OLA1: variants seen among roughly 807,000 people sequenced by gnomAD.
The protein encoded by OLA1 is Obg like ATPase 1, also known as obg-like ATPase 1.
In OLA1, 14 loss-of-function variants were observed where a neutral mutation model predicts 48.4. The observed-to-expected ratio is 0.29, with a 90% CI of 0.19 to 0.45. The LOEUF is 0.45. Among genes scored for constraint, OLA1 ranks in the 20% least tolerant of loss-of-function variants. The pLI is 1.00. For synonymous variants in OLA1, 127 were observed against 150.4 expected (o/e 0.84, Z 1.14); for missense variants, 325 against 467.1 (o/e 0.70, Z 2.80).
chr2:174,154,038 T>C (rs1490653090), intron 4 of OLA1, among the ~76,000 whole-genome samples: 1 of 152,032 alleles, frequency 6.6e-6, no homozygotes, highest in African/African-American at 2.4e-5. Context: ...GGCTAATTTT[T>C]TTGTTTGTTT....
intron 7 of OLA1, among the ~76,000 whole-genome samples, chr2:174,109,579 G>C (rs1437222707): frequency 6.6e-6 from 1 of 152,116 alleles, no homozygotes; most frequent in African/African-American, 2.4e-5. Flanking sequence ...GTTTGTCTTT[G>C]AATACGGGAA....
chr2:174,194,275 A>C (rs1687836260), intron 4 of OLA1, among the ~76,000 whole-genome samples: 1 of 152,186 alleles, frequency 6.6e-6, no homozygotes, highest in African/African-American at 2.4e-5. Flanking sequence ...AGAGGGTACC[A>C]GGTTCCCCAA....
At chr2:174,237,065 TACTG>T (rs1358326333) in intron 2 of OLA1, among the ~76,000 whole-genome samples, 2 of 152,202 alleles carry the variant, frequency 1.3e-5, no homozygotes, top group Non-Finnish European at 2.9e-5. Context: ...AATTTTAACT[TACTG>T]ACTCTTTTGT....
At chr2:174,083,268 G>A (rs1684896482) in intron 7 of OLA1, among the ~76,000 whole-genome samples, 7 of 151,946 alleles carry the variant, frequency 4.6e-5, no homozygotes, top group Admixed American at 3.9e-4. Context: ...GCCACTTTAG[G>A]GGAAAAGAAA....
intron 4 of OLA1, among the ~76,000 whole-genome samples, chr2:174,161,717 T>C (rs552492994): frequency 4.3e-5 from 6 of 140,880 alleles, no homozygotes; most frequent in Admixed American, 1.4e-4. Context: ...CACACACACA[T>C]AGATAGATAG....
intron 4 of OLA1, among the ~76,000 whole-genome samples, chr2:174,219,544 T>G (rs1028847501): frequency 2.1e-5 from 3 of 142,056 alleles, no homozygotes; most frequent in African/African-American, 7.7e-5. Context: ...GCCCTCCCAA[T>G]CCAGCCTCGA....
At position 174,236,035 on chromosome 2, in the gene OLA1, C is replaced by T. The variant is rs1688841273; in HGVS notation, c.102-6584G>A. ...TAATCCATCATAAGAAGACTCAAAA[C>T]AATTAATCTGATACATAAATAACTA... On this transcript the variant is annotated intron_variant, in intron 2 of 10. Transcript: ENST00000284719. Among the ~76,000 whole-genome samples the T allele has an allele frequency of 2.6e-5, 4 of 152,098 alleles. No homozygotes were observed. The South Asian group carries it at 8.3e-4, about 32-fold the overall frequency.
chr2:174,240,995 G>T (rs1322371647), intron 2 of OLA1, among the ~76,000 whole-genome samples: 1 of 152,156 alleles, frequency 6.6e-6, no homozygotes, highest in Non-Finnish European at 1.5e-5. Context: ...CTCTGGGCTG[G>T]TGTCATGACT....
intron 4 of OLA1, among the ~76,000 whole-genome samples, chr2:174,220,781 T>C (rs377295686): frequency 3.3e-5 from 5 of 152,200 alleles, no homozygotes; most frequent in African/African-American, 7.2e-5. Flanking sequence ...TTTTAAAAAT[T>C]AATCAAATTA....
intron 7 of OLA1, among the ~76,000 whole-genome samples, chr2:174,117,731 T>C (rs1186357736): frequency 1.3e-5 from 2 of 152,088 alleles, no homozygotes; most frequent in African/African-American, 4.8e-5. Flanking sequence ...CACCTTTCCT[T>C]TTCTCCACCC....
At chr2:174,177,128 A>T (rs1687438847) in intron 4 of OLA1, among the ~76,000 whole-genome samples, 1 of 152,166 alleles carries the variant, frequency 6.6e-6, no homozygotes. Context: ...ATCATTTCAC[A>T]GTTTGGAACT....
At chr2:174,190,636 A>G (rs762486931) in intron 4 of OLA1, among the ~76,000 whole-genome samples, 19 of 152,032 alleles carry the variant, frequency 1.2e-4, no homozygotes, top group Non-Finnish European at 2.8e-4. Context: ...GATTTACCTG[A>G]AAGTTACAAG....
Position 174,221,729 on chromosome 2 carries a change from T to A in OLA1, c.373+1304A>T, listed in dbSNP as rs150417434. On this transcript the variant is annotated intron_variant, in intron 4 of 10. Transcript: ENST00000284719. ...TCAATACTTGCTGCTTTTTCTGTGT[T>A]TAACGTTTCAACAAATGGTATCACA... Among the ~76,000 whole-genome samples the A allele has an allele frequency of 1.5e-4, 23 of 152,284 alleles. No homozygotes were observed. In the East Asian group the frequency reaches 3.3e-3, roughly 22 times the overall value.
At chr2:174,200,169 T>C (rs1427137122) in intron 4 of OLA1, among the ~76,000 whole-genome samples, 1 of 152,144 alleles carries the variant, frequency 6.6e-6, no homozygotes, top group Admixed American at 6.5e-5. Flanking sequence ...ATACGGTAAA[T>C]ACTGATTGAC....
At chr2:174,134,883 C>T (rs560127016) in intron 5 of OLA1, among the ~76,000 whole-genome samples, 1 of 152,096 alleles carries the variant, frequency 6.6e-6, no homozygotes, top group Non-Finnish European at 1.5e-5. Context: ...GGAATGGGGC[C>T]GGGCGTGGTG....
At chr2:174,163,756 ATATATATATATATATATAT>A in intron 4 of OLA1, among the ~76,000 whole-genome samples, 3 of 39,634 alleles carry the variant, frequency 7.6e-5, no homozygotes, top group Non-Finnish European at 1.0e-4. Flanking sequence ...ATATATATAT[ATATATATATATATATATAT>A]AAATAAATGT....
chr2:174,227,086 T>A (rs1688631724), intron 3 of OLA1, among the ~76,000 whole-genome samples: 1 of 150,948 alleles, frequency 6.6e-6, no homozygotes, highest in Admixed American at 6.6e-5. Context: ...ACAGTAAGAT[T>A]CTGTCTTTAA....
At chr2:174,077,321 TATACATACATAC>T (rs34621038) in intron 10 of OLA1, among the ~76,000 whole-genome samples, 20,836 of 150,702 alleles carry the variant, frequency 0.14, 1,791 homozygotes, top group Non-Finnish European at 0.2. Flanking sequence ...TAGAAATACA[TATACATACATAC>T]ATACATACAT....
At chr2:174,122,590 AT>A (rs1685937961) in intron 7 of OLA1, among the ~76,000 whole-genome samples, 1 of 152,288 alleles carries the variant, frequency 6.6e-6, no homozygotes, top group African/African-American at 2.4e-5. Context: ...TGAACATATA[AT>A]TTTCTGAAGT....
Sources: gnomAD v4.1 joint callset for allele counts (sites outside exome capture counted in the v4.1 genomes callset) on GRCh38, gnomAD v4.1.1 for gene constraint, MANE v1.5 for transcripts, NCBI Gene and HGNC (gene_info 2026-07-23, HGNC 2026-07-21) for gene names.